The following DAB1 variants were observed in gnomAD, a reference collection of about 807,000 sequenced individuals.
The protein encoded by DAB1 is DAB adaptor protein 1.
In DAB1, 15 loss-of-function variants were observed where a neutral mutation model predicts 64.6. The ratio of observed to expected loss-of-function variants is 0.23; its 90% confidence interval spans 0.16 to 0.36. The LOEUF (loss-of-function observed/expected upper bound fraction) is 0.36, where lower values mean the gene tolerates loss of function less well. DAB1 is among the 10% of genes least tolerant of loss of function. The probability of loss-of-function intolerance (pLI) is 1.00; values close to 1 mark genes in which losing one functional copy is unlikely to be tolerated. For synonymous variants in DAB1, 235 were observed against 251.9 expected, an observed-to-expected ratio of 0.93 and a Z score of 0.64; for missense variants, 596 against 706.7, an observed-to-expected ratio of 0.84 and a Z score of 1.78.
intron 2 of DAB1, among the ~76,000 whole-genome samples, chr1:57,192,885 T>C (rs1036414755): frequency 6.6e-6 from 1 of 152,330 alleles, no homozygotes; most frequent in Non-Finnish European, 1.5e-5. Context: ...CAACCACCAT[T>C]GCAATCTAAT....
chr1:58,502,172 A>C (rs1645917808), intron 3 of DAB1, among the ~76,000 whole-genome samples: 1 of 152,264 alleles, frequency 6.6e-6, no homozygotes, highest in Non-Finnish European at 1.5e-5. Context: ...ATAAGAAATA[A>C]AAATATACAA....
chr1:58,149,505 A>C (rs565997948), intron 5 of DAB1, among the ~76,000 whole-genome samples: 1 of 152,304 alleles, frequency 6.6e-6, no homozygotes, highest in Admixed American at 6.5e-5. Flanking sequence ...TGCTATGGAT[A>C]CGTTTCCTGA....
chr1:58,466,104 CTG>C (rs1209869082), intron 3 of DAB1, among the ~76,000 whole-genome samples: 4 of 152,170 alleles, frequency 2.6e-5, no homozygotes, highest in Non-Finnish European at 5.9e-5. Flanking sequence ...AGCACAAACG[CTG>C]TGTCCTGACT....
chr1:57,858,628 C>A (rs911767307), intron 1 of DAB1, among the ~76,000 whole-genome samples: 1 of 151,626 alleles, frequency 6.6e-6, no homozygotes, highest in African/African-American at 2.4e-5. Context: ...GCTGAGGGAG[C>A]CAGCACAGTC....
At chr1:58,319,181 A>G (rs1307211557) in intron 4 of DAB1, among the ~76,000 whole-genome samples, 1 of 152,174 alleles carries the variant, frequency 6.6e-6, no homozygotes, top group Non-Finnish European at 1.5e-5. Context: ...CTTAGATGTC[A>G]TCTAAGGCCT....
intron 1 of DAB1, among the ~76,000 whole-genome samples, chr1:57,380,964 G>A (rs906571361): frequency 2.0e-5 from 3 of 152,100 alleles, no homozygotes; most frequent in African/African-American, 7.2e-5. Flanking sequence ...TCTCCTCCAA[G>A]CTTATATTCC....
chr1:58,131,349 A>T, intron 5 of DAB1, among the ~76,000 whole-genome samples: 1 of 140,710 alleles, frequency 7.1e-6, no homozygotes, highest in African/African-American at 2.5e-5. Flanking sequence ...TATTCTAGTT[A>T]TACATTCTTC....
chr1:57,227,519 T>TGTGTGTG, intron 2 of DAB1, among the ~76,000 whole-genome samples: 2 of 135,810 alleles, frequency 1.5e-5, no homozygotes, highest in African/African-American at 5.4e-5. Flanking sequence ...TTTTTTTCTT[T>TGTGTGTG]TGTGTGTGTG....
At chr1:57,465,916 G>A (rs1686940065) in intron 7 of DAB1, among the ~76,000 whole-genome samples, 1 of 152,146 alleles carries the variant, frequency 6.6e-6, no homozygotes, top group African/African-American at 2.4e-5. Context: ...TGATTCAATA[G>A]CTTCATTGAG....
chr1:57,015,947 T>C (rs985652147), intron 11 of DAB1, among the ~76,000 whole-genome samples: 11 of 152,296 alleles, frequency 7.2e-5, no homozygotes, highest in Non-Finnish European at 1.5e-4. Context: ...GAGACCTAGG[T>C]TAAAATTCAA....
chr1:57,815,289 C>T (rs1371371156), intron 6 of DAB1, among the ~76,000 whole-genome samples: 1 of 151,988 alleles, frequency 6.6e-6, no homozygotes, highest in Non-Finnish European at 1.5e-5. Context: ...AGGATGTTCT[C>T]GATCTCCTGA....
At chr1:57,128,006 GC>G in intron 4 of DAB1, among the ~76,000 whole-genome samples, 1 of 152,056 alleles carries the variant, frequency 6.6e-6, no homozygotes, top group South Asian at 2.1e-4. Flanking sequence ...AAATTAGCCG[GC>G]ATGGTGGGAT....
intron 6 of DAB1, among the ~76,000 whole-genome samples, chr1:57,777,175 A>T (rs1249913730): frequency 8.0e-6 from 1 of 125,444 alleles, no homozygotes; most frequent in Non-Finnish European, 1.7e-5. Flanking sequence ...AAAAAAAATC[A>T]GTGAACCTTC....
intron 1 of DAB1, among the ~76,000 whole-genome samples, chr1:57,393,605 C>T (rs1474819897): frequency 1.3e-5 from 2 of 152,176 alleles, no homozygotes; most frequent in South Asian, 2.1e-4. Context: ...GAAGTAGAGG[C>T]AGCAGTGAGC....
chr1:58,021,605 A>G (rs1322640558), intron 5 of DAB1, among the ~76,000 whole-genome samples: 1 of 152,178 alleles, frequency 6.6e-6, no homozygotes, highest in Non-Finnish European at 1.5e-5. Flanking sequence ...GCATATGAGT[A>G]CCTACAGTTG....
rs370338069 is a variant in DAB1, at chr1:57,072,343, A to G, written c.378T>C (p.Phe126=). Residue 126 remains phenylalanine, a synonymous_variant, in exon 5 of 15, where the codon TTT becomes TTC. Transcript: ENST00000371236. ...IAKDITDHRA[F]GYVCGKEGNH... ...TCCCTTCCTTCCCACAAACATATCCAAAGGCCCGGTGATCTGTAATGTCCT... is the reference window on the plus strand; with the variant it reads ...TCCCTTCCTTCCCACAAACATATCCGAAGGCCCGGTGATCTGTAATGTCCT... 2 of 1,613,950 alleles carry G rather than the reference A, an allele frequency of 1.2e-6. No individual in the cohort carries two copies. Among genetic ancestry groups the G allele is most frequent in the Non-Finnish European group, 1.7e-6 (2 of 1,179,872 alleles).
At chr1:57,937,014 G>A (rs2144755) in intron 5 of DAB1, among the ~76,000 whole-genome samples, 61,212 of 151,546 alleles carry the variant, frequency 0.4, 13,489 homozygotes, top group Admixed American at 0.51. Flanking sequence ...TTTGGGCGCT[G>A]GGGGGTTGTC....
chr1:57,575,584 A>G (rs1645240843), intron 7 of DAB1, among the ~76,000 whole-genome samples: 1 of 152,226 alleles, frequency 6.6e-6, no homozygotes, highest in Non-Finnish European at 1.5e-5. Flanking sequence ...TGAAAATGAT[A>G]AGACAGTGAA....
intron 5 of DAB1, among the ~76,000 whole-genome samples, chr1:57,891,301 C>T (rs1165891955): frequency 6.6e-6 from 1 of 152,138 alleles, no homozygotes; most frequent in Admixed American, 6.5e-5. Context: ...AATCAAACCA[C>T]AATGAGATAC....
Sources: gnomAD v4.1 joint callset for allele counts (sites outside exome capture counted in the v4.1 genomes callset) on GRCh38, gnomAD v4.1.1 for gene constraint, MANE v1.5 for transcripts, NCBI Gene and HGNC (gene_info 2026-07-23, HGNC 2026-07-21) for gene names.